Variants in SINHCAF observed in about 807,000 individuals in gnomAD.
The protein encoded by SINHCAF is SIN3-HDAC complex associated factor, also known as SIN3-HDAC complex-associated factor.
A neutral mutation model predicts 25.8 loss-of-function variants in SINHCAF; 3 were observed. The observed-to-expected ratio is 0.12, with a 90% CI of 0.05 to 0.30. The LOEUF (loss-of-function observed/expected upper bound fraction) is 0.30, where lower values mean the gene tolerates loss of function less well. Ranked by LOEUF, SINHCAF falls within the 10% of genes least tolerant of loss-of-function variation. SINHCAF has a pLI of 1.00. For synonymous variants in SINHCAF, 70 were observed against 85.5 expected, an observed-to-expected ratio of 0.82 and a Z score of 1.00; for missense variants, 121 against 262.3, an observed-to-expected ratio of 0.46 and a Z score of 3.72.
At chr12:31,309,819 C>A (rs1482602735) in intron 1 of SINHCAF, among the ~76,000 whole-genome samples, 2 of 152,028 alleles carry the variant, frequency 1.3e-5, no homozygotes, top group East Asian at 3.9e-4. Flanking sequence ...GAATGCACCA[C>A]CACGCTCGGC....
chr12:31,297,467 A>ATT (rs777087270), intron 2 of SINHCAF, among the ~76,000 whole-genome samples: 835 of 103,264 alleles, frequency 8.1e-3, no homozygotes, highest in Non-Finnish European at 0.01. Flanking sequence ...GTCAAGCGTA[A>ATT]TTTTTTTTTT....
At position 31,299,039 on chromosome 12, in the gene SINHCAF, T is replaced by TAAAAA. The variant is rs61329052; in HGVS notation, c.-20-820_-20-816dup. ...GTGAAATAAATTGCAGTCCTCCTGT[T>TAAAAA]AAAAAAAAAAAAAATCTCAACGTCA... On this transcript the variant is annotated intron_variant, in intron 1 of 5. Coordinates refer to ENST00000337682, the MANE Select transcript of SINHCAF (RefSeq NM_001135812.2). 4.3e-3 allele frequency among the ~76,000 whole-genome samples: 612 copies of TAAAAA among 141,786 alleles called. 4 individuals are homozygous for TAAAAA. Among genetic ancestry groups the TAAAAA allele is most frequent in the African/African-American group, 0.015 (581 of 38,886 alleles). 93.0% of individuals were successfully genotyped at this position (141,786 alleles called of 152,430 possible). A position where few individuals can be genotyped will look rare whatever the true frequency, so the allele number is the denominator to read the frequency against.
chr12:31,309,664 A>ATTTTTTTTTTT lies in SINHCAF; in HGVS notation c.-20-11451_-20-11441dup, dbSNP rs869251301. Among the ~76,000 whole-genome samples, 74 of 128,720 alleles carry ATTTTTTTTTTT rather than the reference A, an allele frequency of 5.7e-4. 1 individual carries two copies. Among genetic ancestry groups the ATTTTTTTTTTT allele is most frequent in the Middle Eastern group, 4.2e-3 (1 of 238 alleles). 84.4% of individuals were successfully genotyped at this position (128,720 alleles called of 152,430 possible). A position where few individuals can be genotyped will look rare whatever the true frequency, so the allele number is the denominator to read the frequency against. On this transcript the variant is annotated intron_variant, in intron 1 of 5. Coordinates refer to ENST00000337682, the MANE Select transcript of SINHCAF (RefSeq NM_001135812.2). ...TTTACACCACTAACATCAACTTGTG[A>ATTTTTTTTTTT]TTTTTTTTTTTTTTTTTTTGAGACG...
intron 2 of SINHCAF, among the ~76,000 whole-genome samples, chr12:31,296,041 A>C (rs1312867585): frequency 1.3e-5 from 2 of 152,002 alleles, no homozygotes; most frequent in African/African-American, 4.8e-5. Context: ...TTTTTAATTT[A>C]ATTTAAAAAA....
chr12:31,299,345 C>T (rs998014972), intron 1 of SINHCAF, among the ~76,000 whole-genome samples: 1 of 151,264 alleles, frequency 6.6e-6, no homozygotes, highest in Admixed American at 6.6e-5. Context: ...GAGACAGAGT[C>T]TCACTCTTTC....
At chr12:31,317,934 T>C (rs1428505661) in intron 1 of SINHCAF, among the ~76,000 whole-genome samples, 1 of 152,172 alleles carries the variant, frequency 6.6e-6, no homozygotes, top group Non-Finnish European at 1.5e-5. Flanking sequence ...AGGAGATGCA[T>C]TTCTTTAGAG....
Position 31,285,418 on chromosome 12 carries a change from T to TATACACACACACACACACAC in SINHCAF, c.506+2215_506+2216insGTGTGTGTGTGTGTGTGTAT, listed in dbSNP as rs1555110957. On this transcript the variant is annotated intron_variant, in intron 5 of 5. Coordinates refer to ENST00000337682, the MANE Select transcript of SINHCAF (RefSeq NM_001135812.2). ...ATAGACATATATTTATATATATACATACACACACACACACACACACACACA... is the reference window on the plus strand; with the variant it reads ...ATAGACATATATTTATATATATACATATACACACACACACACACACACACACACACACACACACACACACA... Among the ~76,000 whole-genome samples the TATACACACACACACACACAC allele has an allele frequency of 2.3e-4, 32 of 141,442 alleles. 2 individuals are homozygous for TATACACACACACACACACAC. The South Asian group carries it at 3.7e-3, about 16-fold the overall frequency. 92.8% of individuals were successfully genotyped at this position (141,442 alleles called of 152,430 possible). A position where few individuals can be genotyped will look rare whatever the true frequency, so the allele number is the denominator to read the frequency against.
Position 31,281,725 on chromosome 12 carries a change from T to A in SINHCAF, c.*987A>T, listed in dbSNP as rs948914864. 1.3e-5 allele frequency: 2 copies of A among 152,214 alleles called. No homozygotes were observed. Among genetic ancestry groups the A allele is most frequent in the Non-Finnish European group, 2.9e-5 (2 of 68,030 alleles). The allele number at this position is 152,214 out of a possible 1,614,324, so 9.4% of individuals were successfully genotyped here. A position where few individuals can be genotyped will look rare whatever the true frequency, so the allele number is the denominator to read the frequency against. On this transcript the variant is annotated 3_prime_UTR_variant, in exon 6 of 6. Coordinates refer to ENST00000337682, the MANE Select transcript of SINHCAF (RefSeq NM_001135812.2). ...ATGCTTTGGTACTATTCATACAGGG[T>A]CTTGCCTATCCTAAAGACTTGCCAT...
intron 1 of SINHCAF, among the ~76,000 whole-genome samples, chr12:31,319,065 G>A (rs1939604533): frequency 6.6e-6 from 1 of 152,076 alleles, no homozygotes; most frequent in Admixed American, 6.6e-5. Flanking sequence ...GCCTTTTCAG[G>A]GAGACTTTAA....
In SINHCAF at chr12:31,324,975, C is replaced by T; in HGVS notation, c.-21+1049G>A. Reference sequence around the variant, plus strand: ...CCGGCCGGACCTGCCCGACGGCGGCCGCATCCCACGGCTCACGCGGGGCTG... The same window carrying T: ...CCGGCCGGACCTGCCCGACGGCGGCTGCATCCCACGGCTCACGCGGGGCTG... On this transcript the variant is annotated intron_variant, in intron 1 of 5. Transcript: ENST00000337682. This position sits in a 1 kb window ranked among gnomAD's most constrained non-coding sequence, Gnocchi z 5.5. 1 of 456,654 alleles carries T rather than the reference C, an allele frequency of 2.2e-6. No individual in the cohort carries two copies. The highest frequency in any genetic ancestry group is 4.4e-6 in the Non-Finnish European group (1 of 226,902). 28.3% of individuals were successfully genotyped at this position (456,654 alleles called of 1,614,324 possible).
chr12:31,287,764 T>C lies in SINHCAF; in HGVS notation c.376A>G (p.Thr126Ala), dbSNP rs1251686588. 12 of 1,603,046 alleles carry C rather than the reference T, an allele frequency of 7.5e-6. No homozygotes were observed. Among genetic ancestry groups the C allele is most frequent in the Non-Finnish European group, 9.4e-6 (11 of 1,173,620 alleles). The stretch of plus-strand genomic sequence containing the variant: ...GATTGAGCTGGGGAGGCACTTGAGG[T>C]GGTACTGTGAGCATCAGAATCTGCA... ...KRHNSDAHST[T>A]SSASPAQSPC... Residue 126 changes from threonine (T) to alanine (A), a missense_variant, in exon 5 of 6, where the codon ACC becomes GCC. Transcript: ENST00000337682.
chr12:31,310,048 T>C lies in SINHCAF; in HGVS notation c.-20-11824A>G, dbSNP rs1939203917. On this transcript the variant is annotated intron_variant, in intron 1 of 5. Transcript: ENST00000337682. ...TCAGTTCCAGCAACATTTCCCACTT[T>C]AAGGAAAAAGAGATGAGCATTATGG... Among the ~76,000 whole-genome samples, 3 of 152,096 alleles carry C rather than the reference T, an allele frequency of 2.0e-5. No individual in the cohort carries two copies. In the East Asian group the frequency reaches 5.8e-4, roughly 29 times the overall value.
chr12:31,303,471 G>A (rs1019797693), intron 1 of SINHCAF: 1 of 152,672 alleles, frequency 6.5e-6, no homozygotes, highest in Admixed American at 6.6e-5. Flanking sequence ...TAATGGGCGG[G>A]GAGGGTGTTA....
In SINHCAF at chr12:31,322,705, T is replaced by C. The variant is rs1168131098; in HGVS notation, c.-21+3319A>G. Among the ~76,000 whole-genome samples the C allele has an allele frequency of 2.0e-5, 3 of 152,198 alleles. No homozygotes were observed. In the East Asian group the frequency reaches 5.8e-4, roughly 29 times the overall value. ...ATGAAAAAAAATGGATTTCAACTAG[T>C]ATCGATTTTTAGGTGTGTGGGGGCA... On this transcript the variant is annotated intron_variant, in intron 1 of 5. Transcript: ENST00000337682.
At position 31,316,638 on chromosome 12, in the gene SINHCAF, AAG is replaced by A. The variant is rs200241503; in HGVS notation, c.-21+9384_-21+9385del. 3.4e-3 allele frequency among the ~76,000 whole-genome samples: 519 copies of A among 152,312 alleles called. 4 individuals carry two copies. The highest frequency in any genetic ancestry group is 0.012 in the African/African-American group (490 of 41,568). ...TATAATAATATACATAGGAAAGAAA[AAG>A]AGTTTCACAGCGATAGTTTATATTA... On this transcript the variant is annotated intron_variant, in intron 1 of 5. Transcript: ENST00000337682.
At chr12:31,289,796 T>G (rs1315434337) in intron 4 of SINHCAF, among the ~76,000 whole-genome samples, 1 of 113,762 alleles carries the variant, frequency 8.8e-6, no homozygotes, top group Non-Finnish European at 2.0e-5. Context: ...TAAAGAAAAT[T>G]TGGGTTTTTT....
chr12:31,299,605 C>T (rs1278123161), intron 1 of SINHCAF, among the ~76,000 whole-genome samples: 3 of 152,144 alleles, frequency 2.0e-5, no homozygotes, highest in Non-Finnish European at 4.4e-5. Flanking sequence ...CGTGAGCCAC[C>T]GTGCCCGGCC....
intron 5 of SINHCAF, among the ~76,000 whole-genome samples, chr12:31,286,686 T>C (rs1335551849): frequency 6.7e-6 from 1 of 148,904 alleles, no homozygotes; most frequent in East Asian, 2.0e-4. Flanking sequence ...AAAAAGAAAC[T>C]GTCAATGTGG....
chr12:31,294,037 G>A (rs1938448058), intron 3 of SINHCAF, 106 bp from the exon 4 acceptor site: 1 of 793,324 alleles, frequency 1.3e-6, no homozygotes, highest in South Asian at 2.3e-5. Flanking sequence ...ATACTGAAAA[G>A]AGGATGAAGC....
Sources: allele counts gnomAD v4.1 joint callset (sites outside exome capture counted in the v4.1 genomes callset), GRCh38; gene constraint gnomAD v4.1.1; non-coding constraint Gnocchi (gnomAD v3.1); transcripts MANE v1.5; gene names NCBI Gene and HGNC (gene_info 2026-07-23, HGNC 2026-07-21).